The following EYS variants were observed in gnomAD, a reference collection of about 807,000 sequenced individuals.
EYS encodes the protein EGF-like photoreceptor maintenance factor, also known as protein eyes shut homolog.
Under a neutral mutation model 282.1 loss-of-function variants are expected in EYS, and 250 were observed. That is an observed-to-expected ratio of 0.89 (90% CI 0.80 to 0.98). EYS has a LOEUF of 0.98. Ranked by LOEUF, EYS falls within the 50% of genes least tolerant of loss-of-function variation. The probability of loss-of-function intolerance (pLI) is 0.00; values close to 1 mark genes in which losing one functional copy is unlikely to be tolerated. For synonymous variants in EYS, 1,355 were observed against 1,282.9 expected (o/e 1.06, Z -1.20); for missense variants, 4,016 against 3,709.0 (o/e 1.08, Z -2.15).
At chr6:65,624,389 T>C (rs776344636) in intron 2 of EYS, among the ~76,000 whole-genome samples, 1 of 152,186 alleles carries the variant, frequency 6.6e-6, no homozygotes, top group Non-Finnish European at 1.5e-5. Flanking sequence ...ATGAGGAGAC[T>C]ATCCTGGATT....
At chr6:65,363,006 T>A (rs1480969438) in intron 8 of EYS, among the ~76,000 whole-genome samples, 1 of 152,066 alleles carries the variant, frequency 6.6e-6, no homozygotes, top group Non-Finnish European at 1.5e-5. Context: ...TGATTGCATT[T>A]AGTCCTAAAT....
At position 65,503,007 on chromosome 6, in the gene EYS, T is replaced by C. The variant is rs1766512946; in HGVS notation, c.-332-7014A>G. ...ATTGCCATACTAATTCTTTGGAATGTAATAAACTATACTTAGTTTTGGAAG... is the reference window on the plus strand; with the variant it reads ...ATTGCCATACTAATTCTTTGGAATGCAATAAACTATACTTAGTTTTGGAAG... On this transcript the variant is annotated intron_variant, in intron 2 of 42. Coordinates refer to ENST00000503581, the MANE Select transcript of EYS (RefSeq NM_001142800.2). 2.6e-5 allele frequency among the ~76,000 whole-genome samples: 4 copies of C among 151,706 alleles called. No homozygotes were observed. In the South Asian group the frequency reaches 8.3e-4, roughly 31 times the overall value.
Position 63,864,211 on chromosome 6 carries a change from C to T in EYS, c.7203G>A (p.Gly2401=). Residue 2401 remains glycine (G), a synonymous_variant, in exon 36 of 43, where the codon GGG becomes GGA. Transcript: ENST00000503581. ...GTDIVCLCPY[G]RSGPLCTDAI... is the part of the protein sequence containing the mutation. The stretch of plus-strand genomic sequence containing the variant: ...CATCAGTGCAGAGGGGTCCAGACCT[C>T]CCATATGGGCAGAGGCAGACAATAT... 6.5e-7 allele frequency: 1 copy of T among 1,545,282 alleles called. No individual in the cohort carries two copies. Among genetic ancestry groups the T allele is most frequent in the Non-Finnish European group, 8.7e-7 (1 of 1,142,902 alleles).
intron 12 of EYS, among the ~76,000 whole-genome samples, chr6:65,272,953 G>T (rs1281321680): frequency 6.6e-6 from 1 of 152,092 alleles, no homozygotes; most frequent in East Asian, 1.9e-4. Context: ...TAGTCACAGT[G>T]CTCTTGCATT....
chr6:65,509,666 T>A (rs756413245), intron 2 of EYS, among the ~76,000 whole-genome samples: 6 of 152,230 alleles, frequency 3.9e-5, no homozygotes, highest in Non-Finnish European at 7.3e-5. Context: ...TGGATTAAAT[T>A]TTCATTTTCT....
intron 36 of EYS, among the ~76,000 whole-genome samples, chr6:63,808,268 A>G (rs1353182000): frequency 6.6e-6 from 1 of 152,216 alleles, no homozygotes; most frequent in Non-Finnish European, 1.5e-5. Context: ...AGCATGTCAT[A>G]CTCAGGGAAC....
At chr6:65,476,675 C>A (rs1326230780) in intron 5 of EYS, among the ~76,000 whole-genome samples, 1 of 152,044 alleles carries the variant, frequency 6.6e-6, no homozygotes, top group African/African-American at 2.4e-5. Flanking sequence ...CTCCCAGGAT[C>A]AAGTGATTCT....
At chr6:64,263,323 C>T (rs925831589) in intron 30 of EYS, among the ~76,000 whole-genome samples, 1 of 152,036 alleles carries the variant, frequency 6.6e-6, no homozygotes, top group African/African-American at 2.4e-5. Flanking sequence ...GTATTTTACT[C>T]AAACTTCTGC....
At chr6:64,293,015 G>A (rs1351117117) in intron 30 of EYS, among the ~76,000 whole-genome samples, 1 of 151,928 alleles carries the variant, frequency 6.6e-6, no homozygotes, top group Non-Finnish European at 1.5e-5. Flanking sequence ...CTAAGCTTTA[G>A]AATCAGACTG....
intron 33 of EYS, among the ~76,000 whole-genome samples, chr6:64,062,606 G>T (rs996836294): frequency 1.3e-4 from 20 of 149,948 alleles, no homozygotes; most frequent in Admixed American, 5.4e-4. Context: ...CCGGAAAATC[G>T]CTTGAACCCT....
At chr6:64,220,945 A>G (rs1766082291) in intron 31 of EYS, among the ~76,000 whole-genome samples, 2 of 152,094 alleles carry the variant, frequency 1.3e-5, no homozygotes, top group African/African-American at 4.8e-5. Context: ...TTACTTCAAA[A>G]TCACACTATC....
chr6:63,789,798 T>G (rs1306081396), intron 37 of EYS, among the ~76,000 whole-genome samples: 2 of 152,340 alleles, frequency 1.3e-5, no homozygotes, highest in Non-Finnish European at 2.9e-5. Context: ...GAGCCATCCA[T>G]GCAGTACAGT....
At chr6:64,673,192 C>A (rs1317408836) in intron 22 of EYS, among the ~76,000 whole-genome samples, 3 of 151,882 alleles carry the variant, frequency 2.0e-5, no homozygotes, top group Non-Finnish European at 4.4e-5. Flanking sequence ...ACCTCACTAT[C>A]TTGATAGACT....
intron 12 of EYS, among the ~76,000 whole-genome samples, chr6:65,138,634 T>TGC (rs1776089923): frequency 6.6e-6 from 1 of 152,090 alleles, no homozygotes; most frequent in Non-Finnish European, 1.5e-5. Context: ...GTTTTCTTTA[T>TGC]ACTTTATATA....
intron 5 of EYS, among the ~76,000 whole-genome samples, chr6:65,483,014 A>G (rs1765660277): frequency 6.6e-6 from 1 of 152,216 alleles, no homozygotes; most frequent in Non-Finnish European, 1.5e-5. Context: ...TTAAAAATTT[A>G]GCAATAAATC....
chr6:64,894,202 T>C (rs1767381220), intron 18 of EYS, among the ~76,000 whole-genome samples: 1 of 152,110 alleles, frequency 6.6e-6, no homozygotes, highest in Admixed American at 6.6e-5. Context: ...TTTACCAATA[T>C]AAAGATATTG....
chr6:64,948,334 A>C (rs1356368661), intron 14 of EYS, among the ~76,000 whole-genome samples: 1 of 151,090 alleles, frequency 6.6e-6, no homozygotes, highest in Non-Finnish European at 1.5e-5. Context: ...CTTGCTGCAA[A>C]GCAGTTTCTC....
intron 26 of EYS, among the ~76,000 whole-genome samples, chr6:64,460,601 T>G (rs1196015914): frequency 1.3e-5 from 2 of 152,246 alleles, no homozygotes; most frequent in African/African-American, 4.8e-5. Flanking sequence ...ACATTCTTTG[T>G]ATTTACTAAT....
intron 36 of EYS, among the ~76,000 whole-genome samples, chr6:63,829,138 C>T (rs1674583548): frequency 6.6e-6 from 1 of 152,182 alleles, no homozygotes; most frequent in Non-Finnish European, 1.5e-5. Flanking sequence ...AGGAACAGCT[C>T]CAGTCCGCAC....
Sources: gnomAD v4.1 joint callset for allele counts (sites outside exome capture counted in the v4.1 genomes callset) on GRCh38, gnomAD v4.1.1 for gene constraint, MANE v1.5 for transcripts, NCBI Gene and HGNC (gene_info 2026-07-23, HGNC 2026-07-21) for gene names.